CEMIP2: variants seen among roughly 807,000 people sequenced by gnomAD.
The protein encoded by CEMIP2 is cell migration inducing hyaluronidase 2.
A neutral mutation model predicts 146.9 loss-of-function variants in CEMIP2; 79 were observed. The ratio of observed to expected loss-of-function variants is 0.54; its 90% CI spans 0.45 to 0.65. CEMIP2 has a LOEUF of 0.65. CEMIP2 is among the 30% of genes least tolerant of loss of function. CEMIP2 has a pLI of 0.00. For missense variants in CEMIP2, 1,596 were observed against 1,696.2 expected (o/e 0.94, Z 1.04); for synonymous variants, 601 against 606.3 (o/e 0.99, Z 0.13).
intron 4 of CEMIP2, among the ~76,000 whole-genome samples, chr9:71,744,349 C>T (rs1419971597): frequency 2.0e-5 from 3 of 151,898 alleles, no homozygotes; most frequent in Admixed American, 6.6e-5. Flanking sequence ...CACTCCAGCT[C>T]GGGCAACGGG....
rs534668857 is a variant in CEMIP2 at position 71,717,236 on chromosome 9, T to C, written c.2400-684A>G. On this transcript the variant is annotated intron_variant, in intron 13 of 23. Coordinates refer to ENST00000377044, the MANE Select transcript of CEMIP2 (RefSeq NM_013390.3). Reference sequence around the variant, plus strand: ...AAACAGTAAGCAGTGTATCAAAGTATTAGCTATAATTATTATTTTTATAAC... The same window carrying C: ...AAACAGTAAGCAGTGTATCAAAGTACTAGCTATAATTATTATTTTTATAAC... Among the ~76,000 whole-genome samples the C allele has an allele frequency of 4.6e-5, 7 of 152,264 alleles. No homozygotes were observed. In the East Asian group the frequency reaches 1.2e-3, roughly 25 times the overall value.
chr9:71,706,222 TC>T (rs1416184585), intron 17 of CEMIP2, among the ~76,000 whole-genome samples: 1 of 109,116 alleles, frequency 9.2e-6, no homozygotes, highest in African/African-American at 3.8e-5. Flanking sequence ...AAAACAAAAC[TC>T]CATCTCAAAA....
At chr9:71,762,240 C>T (rs1398517169) in intron 1 of CEMIP2, among the ~76,000 whole-genome samples, 1 of 152,138 alleles carries the variant, frequency 6.6e-6, no homozygotes, top group Non-Finnish European at 1.5e-5. Flanking sequence ...AAGGGTGCTA[C>T]AGAGTCAAAA....
intron 20 of CEMIP2, among the ~76,000 whole-genome samples, chr9:71,697,551 T>C (rs561943610): frequency 1.3e-5 from 2 of 152,204 alleles, no homozygotes; most frequent in South Asian, 4.1e-4. Flanking sequence ...TAAGAGCGGA[T>C]TTCCACCTTA....
chr9:71,722,660 A>AG (rs201776247), intron 11 of CEMIP2, 145 bp from the exon 12 acceptor site: 31,457 of 573,754 alleles, frequency 0.055, 1,141 homozygotes, highest in Non-Finnish European at 0.065. Flanking sequence ...ACTGTAAAAA[A>AG]AAAAAAAACA....
In CEMIP2 at chr9:71,690,170, C is replaced by T. The variant is rs368725693; in HGVS notation, c.3773G>A (p.Arg1258His). The T allele has an allele frequency of 1.6e-5, 26 of 1,614,080 alleles. No homozygotes were observed. Among genetic ancestry groups the T allele is most frequent in the East Asian group, 1.6e-4 (7 of 44,878 alleles). The part of the protein sequence containing the change: ...LVVDPCSVPF[R>H]LTEKTVFPLA... ...AGGAAAAACCGTTTTTTCCGTCAAG[C>T]GGAATGGAACGCTGCACGGATCCAC... is the stretch of plus-strand genomic sequence containing the variant. Residue 1258 changes from arginine to histidine, a missense_variant, in exon 22 of 24, where the codon CGC becomes CAC. By Grantham distance (29) the Arg-to-His change is conservative (BLOSUM62 0). Transcript: ENST00000377044.
At chr9:71,758,057 T>A (rs1254477717) in intron 1 of CEMIP2, among the ~76,000 whole-genome samples, 5 of 152,148 alleles carry the variant, frequency 3.3e-5, no homozygotes, top group African/African-American at 4.8e-5. Context: ...ATATAATGTA[T>A]CACCTATTCT....
intron 2 of CEMIP2, among the ~76,000 whole-genome samples, chr9:71,748,735 G>C (rs987491275): frequency 1.3e-5 from 2 of 152,186 alleles, no homozygotes; most frequent in African/African-American, 4.8e-5. Flanking sequence ...TGGTCTACTT[G>C]TTTGGTCCAT....
At chr9:71,690,331 G>GT in intron 21 of CEMIP2, 85 bp from the exon 22 acceptor site, 2 of 1,481,814 alleles carry the variant, frequency 1.3e-6, no homozygotes, top group Admixed American at 4.0e-5. Flanking sequence ...CTTTCCCTGT[G>GT]TCTTCTAAAC....
chr9:71,741,154 G>T (rs1485485200), intron 4 of CEMIP2, among the ~76,000 whole-genome samples: 2 of 150,036 alleles, frequency 1.3e-5, no homozygotes, highest in Non-Finnish European at 3.0e-5. Context: ...AAAGTCTCCA[G>T]GTGTGCAGGC....
At chr9:71,694,672 A>G (rs998846109) in intron 20 of CEMIP2, 65 bp from the exon 21 acceptor site, 1 of 1,033,478 alleles carries the variant, frequency 9.7e-7, no homozygotes. Flanking sequence ...TTCCCTCAAT[A>G]TAAAGTTAAT....
intron 1 of CEMIP2, among the ~76,000 whole-genome samples, chr9:71,761,274 C>T (rs1424192083): frequency 1.6e-4 from 24 of 152,110 alleles, no homozygotes; most frequent in Admixed American, 1.6e-3. Context: ...AAGAAAAAAC[C>T]AAGAAAGTTA....
intron 18 of CEMIP2, among the ~76,000 whole-genome samples, chr9:71,704,040 T>C (rs1003224833): frequency 6.6e-6 from 1 of 152,214 alleles, no homozygotes; most frequent in African/African-American, 2.4e-5. Context: ...AACACTTGAA[T>C]AAATCAATTA....
In CEMIP2 at chr9:71,762,233, G is replaced by C. The variant is rs117557215; in HGVS notation, c.-13+6124C>G. Among the ~76,000 whole-genome samples the C allele has an allele frequency of 1.3e-4, 20 of 152,146 alleles. 1 individual carries two copies. In the East Asian group the frequency reaches 3.7e-3, roughly 28 times the overall value. On this transcript the variant is annotated intron_variant, in intron 1 of 23. Coordinates refer to ENST00000377044, the MANE Select transcript of CEMIP2 (RefSeq NM_013390.3). ...TCCTCTATGTTCCTCAAGACTCAAG[G>C]GTGCTACAGAGTCAAAAGGCAGAAC...
chr9:71,688,031 A>T lies in CEMIP2; in HGVS notation c.3851+2061T>A, dbSNP rs568016943. On this transcript the variant is annotated intron_variant, in intron 22 of 23. Transcript: ENST00000377044. ...GCCCACATACCCAGATAATTTTTAA[A>T]TTTTTCATAGAGACAGGGTCTCATT... Among the ~76,000 whole-genome samples the T allele has an allele frequency of 9.3e-4, 141 of 152,136 alleles. 1 individual carries two copies. Among genetic ancestry groups the T allele is most frequent in the Middle Eastern group, 3.4e-3 (1 of 294 alleles).
At chr9:71,717,743 G>C (rs1823108784) in intron 13 of CEMIP2, among the ~76,000 whole-genome samples, 2 of 152,124 alleles carry the variant, frequency 1.3e-5, no homozygotes, top group Admixed American at 6.6e-5. Flanking sequence ...GATAAGTTCT[G>C]TTCCAATAAA....
At chr9:71,688,210 G>A (rs1822126255) in intron 22 of CEMIP2, among the ~76,000 whole-genome samples, 1 of 151,920 alleles carries the variant, frequency 6.6e-6, no homozygotes, top group African/African-American at 2.4e-5. Flanking sequence ...AGTGTTTAGG[G>A]GGCTCTGAGT....
At chr9:71,749,962 T>TA in intron 2 of CEMIP2, 81 bp downstream of exon 2, 11 of 1,308,290 alleles carry the variant, frequency 8.4e-6, no homozygotes, top group Non-Finnish European at 1.0e-5. Context: ...CAACTTAAGA[T>TA]AAATTTTTTT....
chr9:71,741,707 C>T (rs1478279196), intron 4 of CEMIP2, among the ~76,000 whole-genome samples: 4 of 129,138 alleles, frequency 3.1e-5, no homozygotes, highest in Admixed American at 9.7e-5. Flanking sequence ...GGCGTGATCT[C>T]GGCTCACCAC....
Sources: gnomAD v4.1 joint callset for allele counts (sites outside exome capture counted in the v4.1 genomes callset) on GRCh38, gnomAD v4.1.1 for gene constraint, MANE v1.5 for transcripts, NCBI Gene and HGNC (gene_info 2026-07-23, HGNC 2026-07-21) for gene names.